The following ARHGAP22 variants were observed in gnomAD, a reference collection of about 807,000 sequenced individuals.
The protein encoded by ARHGAP22 is rho GTPase-activating protein 22.
A neutral mutation model predicts 59.1 loss-of-function variants in ARHGAP22; 48 were observed. That is an observed-to-expected ratio of 0.81 (90% CI 0.64 to 1.03). ARHGAP22 has a LOEUF of 1.03. Among genes scored for constraint, ARHGAP22 ranks in the 50% least tolerant of loss-of-function variants. The probability of loss-of-function intolerance (pLI) is 0.00; values close to 1 mark genes in which losing one functional copy is unlikely to be tolerated. For missense variants in ARHGAP22, 1,015 were observed against 958.7 expected (o/e 1.06, Z -0.78); for synonymous variants, 445 against 416.4 (o/e 1.07, Z -0.84).
chr10:48,466,416 G>A (rs2047689437), intron 4 of ARHGAP22, among the ~76,000 whole-genome samples: 1 of 151,796 alleles, frequency 6.6e-6, no homozygotes, highest in African/African-American at 2.4e-5. Context: ...CCAGATCCGC[G>A]GTGACACCCA....
At chr10:48,460,000 A>G in intron 4 of ARHGAP22, 109 bp from the exon 5 acceptor site, 1 of 1,144,980 alleles carries the variant, frequency 8.7e-7, no homozygotes, top group Non-Finnish European at 1.2e-6. Context: ...GCTCCTCCTC[A>G]GGAAGCAAAT....
chr10:48,622,560 CA>C (rs2061320321), intron 1 of ARHGAP22, among the ~76,000 whole-genome samples: 1 of 152,124 alleles, frequency 6.6e-6, no homozygotes, highest in Non-Finnish European at 1.5e-5. Flanking sequence ...GCATATTCAT[CA>C]CCTCAAACAC....
intron 4 of ARHGAP22, among the ~76,000 whole-genome samples, chr10:48,475,157 T>G (rs1000867701): frequency 1.3e-5 from 2 of 152,226 alleles, no homozygotes; most frequent in African/African-American, 4.8e-5. Context: ...AAGTCACCAA[T>G]GACTGCTCAG....
intron 1 of ARHGAP22, among the ~76,000 whole-genome samples, chr10:48,592,536 C>T (rs2059821482): frequency 6.6e-6 from 1 of 152,200 alleles, no homozygotes; most frequent in African/African-American, 2.4e-5. Flanking sequence ...CTTCTCCCCT[C>T]CCTCACCGGC....
chr10:48,514,011 T>C (rs139379996), intron 3 of ARHGAP22, among the ~76,000 whole-genome samples: 2,562 of 151,960 alleles, frequency 0.017, 31 homozygotes, highest in Non-Finnish European at 0.029. Flanking sequence ...ATAACTGAAA[T>C]ACATAAATCA....
chr10:48,551,497 G>A (rs1018924813), intron 3 of ARHGAP22, among the ~76,000 whole-genome samples: 1 of 152,196 alleles, frequency 6.6e-6, no homozygotes, highest in Non-Finnish European at 1.5e-5. Context: ...TTGTGTGTAA[G>A]CAACTGTCCA....
intron 1 of ARHGAP22, among the ~76,000 whole-genome samples, chr10:48,637,237 G>A (rs1270655056): frequency 3.3e-5 from 5 of 152,244 alleles, no homozygotes; most frequent in Non-Finnish European, 7.3e-5. Flanking sequence ...GCAAGGGGTA[G>A]AAAGGAGCCA....
chr10:48,431,055 G>A, the ARHGAP22 span: 68 of 660,676 alleles, frequency 1.0e-4, no homozygotes, highest in Middle Eastern at 7.9e-4. Context: ...ATCTTAGGCC[G>A]ACATTTAACT....
downstream of ARHGAP22, among the ~76,000 whole-genome samples, chr10:48,442,987 G>A (rs73293552): frequency 3.5e-3 from 540 of 152,240 alleles, 5 homozygotes; most frequent in African/African-American, 0.013. Flanking sequence ...GGCAGGATGC[G>A]CATCTGGGCA....
At chr10:48,487,072 T>C (rs112825123) in intron 3 of ARHGAP22, among the ~76,000 whole-genome samples, 313 of 152,280 alleles carry the variant, frequency 2.1e-3, no homozygotes, top group African/African-American at 7.1e-3. Flanking sequence ...CTGAACTTCT[T>C]AGATTTGTGA....
At chr10:48,650,146 CTTTTTT>C (rs11386532) in intron 1 of ARHGAP22, among the ~76,000 whole-genome samples, 208 of 82,076 alleles carry the variant, frequency 2.5e-3, no homozygotes, top group Middle Eastern at 0.01. Flanking sequence ...GCTGGAGACT[CTTTTTT>C]TTTTTTTTTT....
intron 5 of ARHGAP22, among the ~76,000 whole-genome samples, chr10:48,455,921 C>G (rs1402215810): frequency 6.6e-6 from 1 of 152,204 alleles, no homozygotes; most frequent in African/African-American, 2.4e-5. Context: ...TCATCACCCC[C>G]TCTCCAGTGC....
intron 3 of ARHGAP22, among the ~76,000 whole-genome samples, chr10:48,549,563 G>A (rs1370746376): frequency 6.6e-6 from 1 of 152,156 alleles, no homozygotes; most frequent in Admixed American, 6.5e-5. Context: ...TGGGAGAGCA[G>A]GAGATTTCTG....
At chr10:48,602,946 G>A (rs1368595724) in intron 1 of ARHGAP22, among the ~76,000 whole-genome samples, 1 of 152,226 alleles carries the variant, frequency 6.6e-6, no homozygotes, top group East Asian at 1.9e-4. Flanking sequence ...ATGTTTGTAT[G>A]CATGAACGCA....
upstream of ARHGAP22, among the ~76,000 whole-genome samples, chr10:48,608,805 G>C (rs947005929): frequency 6.6e-6 from 1 of 152,086 alleles, no homozygotes; most frequent in African/African-American, 2.4e-5. Flanking sequence ...TGTTTAGCAA[G>C]AACATCATTA....
chr10:48,626,732 G>C (rs866905770), intron 1 of ARHGAP22, among the ~76,000 whole-genome samples: 47 of 152,176 alleles, frequency 3.1e-4, no homozygotes, highest in African/African-American at 1.1e-3. Flanking sequence ...TTTGATATTT[G>C]TACCAGGCAT....
intron 3 of ARHGAP22, among the ~76,000 whole-genome samples, chr10:48,492,250 G>GAAAAATATTTTTTAAAACTTTTTTTTAA (rs945032679): frequency 5.3e-5 from 8 of 152,106 alleles, no homozygotes; most frequent in Non-Finnish European, 7.4e-5. Context: ...AAGGTTTATT[G>GAAAAATATTTTTTAAAACTTTTTTTTAA]AAAAATATTT....
chr10:48,501,516 T>C (rs1456846761), intron 3 of ARHGAP22, among the ~76,000 whole-genome samples: 1 of 152,200 alleles, frequency 6.6e-6, no homozygotes, highest in Admixed American at 6.5e-5. Flanking sequence ...GTGAGGAAAG[T>C]GGGCAGACCT....
intron 4 of ARHGAP22, among the ~76,000 whole-genome samples, chr10:48,477,082 C>A (rs1357235236): frequency 1.3e-5 from 2 of 152,184 alleles, no homozygotes; most frequent in African/African-American, 4.8e-5. Context: ...ACTACCCAAG[C>A]CAAGCTAGAG....
Sources: allele counts gnomAD v4.1 joint callset (sites outside exome capture counted in the v4.1 genomes callset), GRCh38; gene constraint gnomAD v4.1.1; transcripts MANE v1.5; gene names NCBI Gene and HGNC (gene_info 2026-07-23, HGNC 2026-07-21).